Variants in CDH8 observed in about 807,000 individuals in gnomAD.
The protein encoded by CDH8 is cadherin-8.
In CDH8, 17 loss-of-function variants were observed where a neutral mutation model predicts 68.1. That is an observed-to-expected ratio of 0.25 (90% confidence interval 0.17 to 0.37). The LOEUF (loss-of-function observed/expected upper bound fraction) is 0.37, where lower values mean the gene tolerates loss of function less well. Ranked by LOEUF, CDH8 falls within the 10% of genes least tolerant of loss-of-function variation. The pLI is 1.00. For synonymous variants in CDH8, 372 were observed against 365.1 expected (o/e 1.02, Z -0.21); for missense variants, 763 against 999.3 (o/e 0.76, Z 3.19).
chr16:61,955,875 C>T (rs1964979915), intron 2 of CDH8, among the ~76,000 whole-genome samples: 1 of 152,026 alleles, frequency 6.6e-6, no homozygotes, highest in Non-Finnish European at 1.5e-5. Context: ...AGTAAGTGCC[C>T]CCAAATACAC....
At chr16:61,962,212 A>T (rs1204310040) in intron 2 of CDH8, among the ~76,000 whole-genome samples, 1 of 152,184 alleles carries the variant, frequency 6.6e-6, no homozygotes, top group African/African-American at 2.4e-5. Context: ...GCAGAGGCAG[A>T]AGAAAATCTA....
At chr16:61,868,001 C>T (rs1359334768) in intron 3 of CDH8, among the ~76,000 whole-genome samples, 1 of 152,182 alleles carries the variant, frequency 6.6e-6, no homozygotes, top group East Asian at 1.9e-4. Context: ...GGCTCCGTCA[C>T]TTTGTTCAAA....
At chr16:61,705,471 G>A (rs576404859) in intron 10 of CDH8, among the ~76,000 whole-genome samples, 7 of 152,228 alleles carry the variant, frequency 4.6e-5, no homozygotes, top group African/African-American at 9.6e-5. Context: ...TGATGTCTAC[G>A]GATCACTGTG....
intron 2 of CDH8, among the ~76,000 whole-genome samples, chr16:61,968,910 T>A (rs1965295374): frequency 6.6e-6 from 1 of 152,164 alleles, no homozygotes. Context: ...TCTCCACTGC[T>A]CCCAGAAAGG....
chr16:62,018,968 C>A (rs1471444849), intron 2 of CDH8, among the ~76,000 whole-genome samples: 1 of 152,092 alleles, frequency 6.6e-6, no homozygotes, highest in African/African-American at 2.4e-5. Flanking sequence ...CCAAAGCAAC[C>A]CCACGTTAAT....
chr16:62,034,217 A>ACACACACACACGCG (rs1039068798), intron 1 of CDH8, among the ~76,000 whole-genome samples: 15 of 151,368 alleles, frequency 9.9e-5, no homozygotes, highest in African/African-American at 3.7e-4. Flanking sequence ...ACACACACAC[A>ACACACACACACGCG]CGCACACGAA....
intron 8 of CDH8, among the ~76,000 whole-genome samples, chr16:61,787,557 G>C: frequency 7.2e-6 from 1 of 139,332 alleles, no homozygotes; most frequent in African/African-American, 2.8e-5. Context: ...TCTAGAACTA[G>C]AAATACCATT....
At chr16:61,833,966 G>A (rs754993043) in intron 4 of CDH8, among the ~76,000 whole-genome samples, 5 of 151,828 alleles carry the variant, frequency 3.3e-5, no homozygotes, top group African/African-American at 4.8e-5. Context: ...TGCTAGCAAA[G>A]TAATGGGTAT....
chr16:61,832,698 TAAC>T (rs920988076), intron 4 of CDH8, among the ~76,000 whole-genome samples: 4 of 151,690 alleles, frequency 2.6e-5, no homozygotes, highest in Non-Finnish European at 2.9e-5. Flanking sequence ...ATTTAAATAA[TAAC>T]AAGAAAAATA....
At chr16:61,882,674 G>A (rs1052538545) in intron 3 of CDH8, among the ~76,000 whole-genome samples, 1 of 152,118 alleles carries the variant, frequency 6.6e-6, no homozygotes, top group East Asian at 1.9e-4. Context: ...TAGATAATGA[G>A]AGCACATGAA....
At chr16:61,827,778 T>C (rs1962372434) in intron 4 of CDH8, among the ~76,000 whole-genome samples, 1 of 151,808 alleles carries the variant, frequency 6.6e-6, no homozygotes, top group Admixed American at 6.6e-5. Flanking sequence ...CAGTTGACTC[T>C]TGAACAACAC....
intron 2 of CDH8, among the ~76,000 whole-genome samples, chr16:61,922,089 C>A (rs1449086741): frequency 6.6e-6 from 1 of 152,004 alleles, no homozygotes; most frequent in African/African-American, 2.4e-5. Context: ...ATGAAATATG[C>A]AGCCGAAGTT....
intron 10 of CDH8, among the ~76,000 whole-genome samples, chr16:61,663,240 A>T (rs1415878726): frequency 6.6e-6 from 1 of 152,072 alleles, no homozygotes; most frequent in Non-Finnish European, 1.5e-5. Flanking sequence ...GAGTACAGTT[A>T]TGTAAATATG....
At chr16:61,939,392 TAAAC>T (rs897610817) in intron 2 of CDH8, among the ~76,000 whole-genome samples, 37 of 152,302 alleles carry the variant, frequency 2.4e-4, no homozygotes, top group African/African-American at 7.2e-4. Context: ...TAAATTTAAA[TAAAC>T]AAAGCTTGAA....
chr16:61,758,896 A>G (rs1415662581), intron 8 of CDH8, among the ~76,000 whole-genome samples: 1 of 152,136 alleles, frequency 6.6e-6, no homozygotes, highest in Admixed American at 6.5e-5. Flanking sequence ...AGCTTAATCC[A>G]TTTATGCTGG....
chr16:61,799,906 TC>T (rs569828095), intron 7 of CDH8, among the ~76,000 whole-genome samples: 26 of 151,744 alleles, frequency 1.7e-4, no homozygotes, highest in East Asian at 3.9e-4. Flanking sequence ...TTAACTCTTT[TC>T]CCCCCCCCAA....
chr16:61,715,911 T>G (rs1419259248), intron 9 of CDH8, among the ~76,000 whole-genome samples: 1 of 151,628 alleles, frequency 6.6e-6, no homozygotes, highest in Non-Finnish European at 1.5e-5. Context: ...TGTTAAAAAG[T>G]CAAGGGAATG....
At chr16:61,793,245 C>CT (rs200429274) in intron 7 of CDH8, among the ~76,000 whole-genome samples, 63 of 148,710 alleles carry the variant, frequency 4.2e-4, no homozygotes, top group Admixed American at 1.8e-3. Flanking sequence ...TAATTCATTT[C>CT]TTTTTTTTTT....
intron 8 of CDH8, among the ~76,000 whole-genome samples, chr16:61,752,602 C>T (rs958874150): frequency 6.6e-6 from 1 of 152,190 alleles, no homozygotes; most frequent in Non-Finnish European, 1.5e-5. Flanking sequence ...CTGTGTGACA[C>T]TTTCCCCATA....
Sources: gnomAD v4.1 joint callset for allele counts (sites outside exome capture counted in the v4.1 genomes callset) on GRCh38, gnomAD v4.1.1 for gene constraint, MANE v1.5 for transcripts, NCBI Gene and HGNC (gene_info 2026-07-23, HGNC 2026-07-21) for gene names.